PTPRA: variants seen among roughly 807,000 people sequenced by gnomAD.
PTPRA encodes the protein receptor-type tyrosine-protein phosphatase alpha.
In PTPRA, 25 loss-of-function variants were observed where a neutral mutation model predicts 104.8. That is an observed-to-expected ratio of 0.24 (90% CI 0.17 to 0.33). PTPRA has a LOEUF of 0.33. PTPRA is among the 10% of genes least tolerant of loss of function. The pLI is 1.00. For missense variants in PTPRA, 765 were observed against 1,015.3 expected, an observed-to-expected ratio of 0.75 and a Z score of 3.35; for synonymous variants, 323 against 368.9, an observed-to-expected ratio of 0.88 and a Z score of 1.43.
At chr20:2,918,355 C>G (rs2059984439) in intron 1 of PTPRA, among the ~76,000 whole-genome samples, 1 of 152,128 alleles carries the variant, frequency 6.6e-6, no homozygotes, top group Non-Finnish European at 1.5e-5. Flanking sequence ...AATGACAGCT[C>G]CTCTTTACAA....
chr20:2,926,828 T>C (rs1359273048), intron 2 of PTPRA, among the ~76,000 whole-genome samples: 1 of 148,402 alleles, frequency 6.7e-6, no homozygotes, highest in Non-Finnish European at 1.5e-5. Flanking sequence ...TCTTGGTCTG[T>C]CGCTCAGGCT....
At chr20:2,910,140 CATCATATATACTATACGTCAT>C (rs1600098747) in intron 1 of PTPRA, among the ~76,000 whole-genome samples, 1 of 106,708 alleles carries the variant, frequency 9.4e-6, no homozygotes, top group East Asian at 2.8e-4. Context: ...TGATATATAA[CATCATATATACTATACGTCAT>C]ATATAATATG....
chr20:2,964,885 GA>G lies in PTPRA; in HGVS notation c.99del (p.Arg33SerfsTer2). ...TTVAPSVGIT[R>X]LINSSTAEPV... ...GTTGCACCTTCTGTAGGAATTACAA[GA>G]TTAATTAACTCATCAACGGCAGAAC... On this transcript the variant is annotated frameshift_variant, in exon 5 of 24. Coordinates refer to ENST00000399903, the MANE Select transcript of PTPRA (RefSeq NM_001385305.1). LOFTEE classifies it high-confidence loss of function. 1 of 1,613,640 alleles carries G rather than the reference GA, an allele frequency of 6.2e-7. No homozygotes were observed. The highest frequency in any genetic ancestry group is 8.5e-7 in the Non-Finnish European group (1 of 1,179,666).
rs376241685 is a variant in PTPRA, at chr20:2,989,828, T to C, written c.738+1354T>C. 6.7e-3 allele frequency among the ~76,000 whole-genome samples: 1,017 copies of C among 152,136 alleles called. 12 individuals carry two copies. The highest frequency in any genetic ancestry group is 0.016 in the African/African-American group (647 of 41,524). Reference sequence around the variant, plus strand: ...GTCAGGAGATCGAGACCATCCTGGCTAACACAGTGAAACCCTGTCTCTACT... The same window carrying C: ...GTCAGGAGATCGAGACCATCCTGGCCAACACAGTGAAACCCTGTCTCTACT... On this transcript the variant is annotated intron_variant, in intron 9 of 23. Transcript: ENST00000399903.
intron 3 of PTPRA, among the ~76,000 whole-genome samples, chr20:2,953,514 A>G (rs1396375448): frequency 3.9e-5 from 6 of 151,984 alleles, no homozygotes; most frequent in Admixed American, 1.3e-4. Context: ...CAGCCTCCCG[A>G]AGTGCTGGGA....
At chr20:3,016,111 T>C (rs2064434520) in intron 12 of PTPRA, among the ~76,000 whole-genome samples, 1 of 152,222 alleles carries the variant, frequency 6.6e-6, no homozygotes, top group Non-Finnish European at 1.5e-5. Context: ...TGTGTATGTA[T>C]ATTAAAAAGA....
chr20:2,961,922 G>T (rs148330994), intron 3 of PTPRA, among the ~76,000 whole-genome samples: 10 of 152,210 alleles, frequency 6.6e-5, no homozygotes. Context: ...ATTTATGTGG[G>T]TCTGTTTATG....
At chr20:2,936,156 G>A (rs1278868529) in intron 2 of PTPRA, among the ~76,000 whole-genome samples, 1 of 151,984 alleles carries the variant, frequency 6.6e-6, no homozygotes, top group East Asian at 1.9e-4. Context: ...CCTGCACCCA[G>A]CCTTATTTTT....
At chr20:2,959,345 C>T (rs959698654) in intron 3 of PTPRA, among the ~76,000 whole-genome samples, 3 of 152,114 alleles carry the variant, frequency 2.0e-5, no homozygotes, top group Non-Finnish European at 4.4e-5. Context: ...TTGATCTCTT[C>T]TGATTTGGAA....
chr20:2,973,008 C>G (rs1299146698), intron 5 of PTPRA, among the ~76,000 whole-genome samples: 2 of 152,122 alleles, frequency 1.3e-5, no homozygotes, highest in African/African-American at 4.8e-5. Flanking sequence ...GTGTGAGCCA[C>G]CACATCTGGC....
chr20:2,924,626 G>A (rs1192935036), intron 2 of PTPRA, among the ~76,000 whole-genome samples: 1 of 152,156 alleles, frequency 6.6e-6, no homozygotes, highest in Non-Finnish European at 1.5e-5. Context: ...TCTGACAGGA[G>A]GTGGGAGGTT....
chr20:3,012,166 G>GA (rs1448632519), intron 11 of PTPRA, among the ~76,000 whole-genome samples: 3 of 152,216 alleles, frequency 2.0e-5, no homozygotes, highest in Admixed American at 2.0e-4. Flanking sequence ...GAGCGGTTTT[G>GA]ATGAATTTAT....
chr20:2,980,328 G>A (rs2062618513), intron 6 of PTPRA, among the ~76,000 whole-genome samples: 1 of 151,916 alleles, frequency 6.6e-6, no homozygotes, highest in African/African-American at 2.4e-5. Flanking sequence ...AGCACTTTGG[G>A]AGGCTGAGGC....
intron 1 of PTPRA, among the ~76,000 whole-genome samples, chr20:2,893,311 C>T (rs1381417133): frequency 1.1e-4 from 16 of 152,130 alleles, no homozygotes; most frequent in Admixed American, 1.0e-3. Flanking sequence ...ACTGGTATTC[C>T]CTTTAAATGA....
intron 9 of PTPRA, among the ~76,000 whole-genome samples, chr20:3,002,055 C>T (rs2063653065): frequency 6.6e-6 from 1 of 151,846 alleles, no homozygotes; most frequent in South Asian, 2.1e-4. Flanking sequence ...CAGTAGGATA[C>T]CTCCAGCCCA....
chr20:2,937,127 CT>C lies in PTPRA; in HGVS notation c.-49-10840del, dbSNP rs5839977. Among the ~76,000 whole-genome samples the C allele has an allele frequency of 2.9e-3, 402 of 136,906 alleles. 1 individual carries two copies. Among genetic ancestry groups the C allele is most frequent in the South Asian group, 0.027 (119 of 4,338 alleles). The allele number at this position is 136,906 out of a possible 152,430, so 89.8% of individuals were successfully genotyped here. ...TTTAGTTCCTTCTACCTTTCTTCTT[CT>C]TTTTTTTTTTTTTTGAGACGGAGTC... On this transcript the variant is annotated intron_variant, in intron 2 of 23. Coordinates refer to ENST00000399903, the MANE Select transcript of PTPRA (RefSeq NM_001385305.1).
chr20:2,900,145 C>CTT (rs1401750606), intron 1 of PTPRA, among the ~76,000 whole-genome samples: 1 of 113,316 alleles, frequency 8.8e-6, no homozygotes, highest in Non-Finnish European at 1.7e-5. Context: ...AATCTGCCTC[C>CTT]TTTTTTTTTT....
chr20:3,019,126 T>C (rs868115766), intron 13 of PTPRA, among the ~76,000 whole-genome samples: 2,132 of 88,644 alleles, frequency 0.024, no homozygotes, highest in South Asian at 0.052. Context: ...CCTCACCTCC[T>C]GGACGGGGCG....
intron 1 of PTPRA, among the ~76,000 whole-genome samples, chr20:2,889,580 A>G (rs1305080406): frequency 6.6e-6 from 1 of 152,250 alleles, no homozygotes; most frequent in Admixed American, 6.5e-5. Context: ...AAGTACTACT[A>G]GTACCATGAG....
Sources: allele counts gnomAD v4.1 joint callset (sites outside exome capture counted in the v4.1 genomes callset), GRCh38; gene constraint gnomAD v4.1.1; transcripts MANE v1.5; gene names NCBI Gene and HGNC (gene_info 2026-07-23, HGNC 2026-07-21).